LDLRAD4: variants seen among roughly 807,000 people sequenced by gnomAD.
The protein encoded by LDLRAD4 is low density lipoprotein receptor class A domain containing 4.
In LDLRAD4, 5 loss-of-function variants were observed where a neutral mutation model predicts 17.0. The observed-to-expected ratio is 0.29, with a 90% CI of 0.15 to 0.62. The LOEUF is 0.62. LDLRAD4 is among the 20% of genes least tolerant of loss of function. The pLI is 0.84. For missense variants in LDLRAD4, 340 were observed against 424.7 expected (o/e 0.80, Z 1.75); for synonymous variants, 168 against 171.8 (o/e 0.98, Z 0.17).
At chr18:13,517,804 T>C (rs10853235) in intron 3 of LDLRAD4, among the ~76,000 whole-genome samples, 48,041 of 151,944 alleles carry the variant, frequency 0.32, 8,087 homozygotes, top group Middle Eastern at 0.5. Context: ...AGTGGTGCGA[T>C]CTCAGCTCAC....
chr18:13,236,882 C>T (rs568269054), intron 1 of LDLRAD4, among the ~76,000 whole-genome samples: 79 of 152,352 alleles, frequency 5.2e-4, no homozygotes, highest in Non-Finnish European at 1.0e-3. Flanking sequence ...CTCCCTCCCT[C>T]CCTAGTCTTG....
intron 1 of LDLRAD4, among the ~76,000 whole-genome samples, chr18:13,313,020 C>T (rs1460068652): frequency 1.3e-5 from 2 of 152,122 alleles, no homozygotes; most frequent in South Asian, 2.1e-4. Context: ...TGCCTGGTCA[C>T]TGACTTCGTT....
chr18:13,417,434 TC>T (rs2089003978), intron 2 of LDLRAD4, among the ~76,000 whole-genome samples: 2 of 146,698 alleles, frequency 1.4e-5, no homozygotes, highest in Admixed American at 1.4e-4. Flanking sequence ...TTGCTGTTTT[TC>T]TTTTTTTTTT....
chr18:13,328,832 T>G (rs1030815414), intron 1 of LDLRAD4, among the ~76,000 whole-genome samples: 2 of 152,232 alleles, frequency 1.3e-5, no homozygotes, highest in Admixed American at 6.5e-5. Flanking sequence ...AATATTTAGT[T>G]GTTTTTATTA....
chr18:13,304,792 T>C (rs1384929805), intron 1 of LDLRAD4, among the ~76,000 whole-genome samples: 1 of 152,198 alleles, frequency 6.6e-6, no homozygotes, highest in East Asian at 1.9e-4. Flanking sequence ...GGGAGACTGC[T>C]AAACCTGGTC....
At chr18:13,239,220 G>T (rs548341292) in intron 1 of LDLRAD4, among the ~76,000 whole-genome samples, 238 of 150,330 alleles carry the variant, frequency 1.6e-3, no homozygotes, top group African/African-American at 5.5e-3. Flanking sequence ...GCTTGTAACT[G>T]CGGGCTCGAG....
chr18:13,220,554 C>G (rs927157037), intron 1 of LDLRAD4, among the ~76,000 whole-genome samples: 2 of 152,198 alleles, frequency 1.3e-5, no homozygotes, highest in African/African-American at 4.8e-5. Flanking sequence ...CTCCTGCACC[C>G]CACCCTACTC....
In LDLRAD4 at chr18:13,586,538, T is replaced by G. The variant is rs1238467658; in HGVS notation, c.182-34579T>G. Among the ~76,000 whole-genome samples the G allele has an allele frequency of 2.6e-5, 4 of 151,454 alleles. No homozygotes were observed. In the East Asian group the frequency reaches 7.8e-4, roughly 29 times the overall value. On this transcript the variant is annotated intron_variant, in intron 3 of 5. Coordinates refer to ENST00000359446, the Ensembl canonical transcript of LDLRAD4. ...TCGCTGTGCCATTGTGAGAAGAGCCTAGGAGCCCTGAAACAGACACACATC... is the reference window on the plus strand; with the variant it reads ...TCGCTGTGCCATTGTGAGAAGAGCCGAGGAGCCCTGAAACAGACACACATC...
intron 3 of LDLRAD4, chr18:13,462,221 A>G (rs751933889): frequency 1.3e-5 from 2 of 152,250 alleles, no homozygotes; most frequent in African/African-American, 2.4e-5. Context: ...GGTGTTGTCA[A>G]CTGTGGTTAC....
chr18:13,271,960 A>T (rs921810968), intron 1 of LDLRAD4, among the ~76,000 whole-genome samples: 4 of 146,726 alleles, frequency 2.7e-5, no homozygotes, highest in African/African-American at 1.0e-4. Context: ...CAGTGGCACA[A>T]TCTCGGCTCA....
intron 3 of LDLRAD4, among the ~76,000 whole-genome samples, chr18:13,546,271 G>C (rs2094361203): frequency 6.6e-6 from 1 of 152,086 alleles, no homozygotes; most frequent in Non-Finnish European, 1.5e-5. Context: ...CTCTGCCGGG[G>C]AACCAGCAGG....
chr18:13,453,225 C>T (rs570994161), intron 3 of LDLRAD4, among the ~76,000 whole-genome samples: 41 of 152,234 alleles, frequency 2.7e-4, no homozygotes, highest in Non-Finnish European at 4.1e-4. Flanking sequence ...GTTGCGTGCA[C>T]GTGCTCGCGT....
chr18:13,478,272 C>T (rs1236923821), intron 3 of LDLRAD4, among the ~76,000 whole-genome samples: 5 of 152,168 alleles, frequency 3.3e-5, no homozygotes, highest in East Asian at 1.9e-4. Context: ...TCTACTGTAA[C>T]GGAATCGCCA....
chr18:13,610,289 T>C lies in LDLRAD4; in HGVS notation c.182-10828T>C, dbSNP rs1346819427. ...AATTTTTTTTTTTTTTTTTTTTTTT[T>C]TTTTTTTTTTTTTTTTGAGACGGAG... On this transcript the variant is annotated intron_variant, in intron 3 of 5. Transcript: ENST00000359446. Among the ~76,000 whole-genome samples the C allele has an allele frequency of 4.0e-3, 261 of 64,646 alleles. 5 individuals carry two copies. Among genetic ancestry groups the C allele is most frequent in the Non-Finnish European group, 5.5e-3 (169 of 30,760 alleles). The allele number at this position is 64,646 out of a possible 152,430, so 42.4% of individuals were successfully genotyped here.
chr18:13,400,489 G>T (rs1316920644), intron 2 of LDLRAD4, among the ~76,000 whole-genome samples: 1 of 152,186 alleles, frequency 6.6e-6, no homozygotes, highest in East Asian at 1.9e-4. Flanking sequence ...AGACCTGCGG[G>T]CTCCAGACGG....
chr18:13,244,731 CCA>C (rs1182782916), intron 1 of LDLRAD4, among the ~76,000 whole-genome samples: 2 of 152,142 alleles, frequency 1.3e-5, no homozygotes, highest in Non-Finnish European at 2.9e-5. Flanking sequence ...ACATCCATAT[CCA>C]CACACACAGC....
chr18:13,475,864 T>C (rs1191894237), intron 3 of LDLRAD4, among the ~76,000 whole-genome samples: 2 of 151,956 alleles, frequency 1.3e-5, no homozygotes, highest in Non-Finnish European at 2.9e-5. Flanking sequence ...TGCTTCTGAC[T>C]CTAAGGAAGA....
At chr18:13,597,571 A>G (rs116339049) in intron 3 of LDLRAD4, among the ~76,000 whole-genome samples, 44 of 148,468 alleles carry the variant, frequency 3.0e-4, no homozygotes, top group Middle Eastern at 3.4e-3. Flanking sequence ...GGTGTGATTA[A>G]TGATGTCTTG....
At chr18:13,639,101 T>C (rs1157934115) in intron 4 of LDLRAD4, among the ~76,000 whole-genome samples, 4 of 152,262 alleles carry the variant, frequency 2.6e-5, no homozygotes, top group Non-Finnish European at 5.9e-5. Flanking sequence ...TGAACTACTT[T>C]AAGTATTATC....
Sources: gnomAD v4.1 joint callset for allele counts (sites outside exome capture counted in the v4.1 genomes callset) on GRCh38, gnomAD v4.1.1 for gene constraint, MANE v1.5 for transcripts, NCBI Gene and HGNC (gene_info 2026-07-23, HGNC 2026-07-21) for gene names.